Variants in ATP6V0E1 observed in about 807,000 individuals in gnomAD.
ATP6V0E1 encodes V-type proton ATPase subunit e 1.
In ATP6V0E1, 4 loss-of-function variants were observed where a neutral mutation model predicts 11.6. The ratio of observed to expected loss-of-function variants is 0.35; its 90% CI spans 0.17 to 0.79. The LOEUF is 0.79. Among genes scored for constraint, ATP6V0E1 ranks in the 30% least tolerant of loss-of-function variants. The probability of loss-of-function intolerance (pLI) is 0.54; values close to 1 mark genes in which losing one functional copy is unlikely to be tolerated. For missense variants in ATP6V0E1, 105 were observed against 100.0 expected, an observed-to-expected ratio of 1.05 and a Z score of -0.21; for synonymous variants, 36 against 34.8, an observed-to-expected ratio of 1.04 and a Z score of -0.13.
chr5:173,020,809 C>A, intron 3 of ATP6V0E1: 1 of 519,664 alleles, frequency 1.9e-6, no homozygotes, highest in South Asian at 1.4e-5. Context: ...TGTCTTCATC[C>A]GGTTGCCTGC....
At chr5:173,031,419 CTTTTTT>C (rs564495625) in intron 3 of ATP6V0E1, among the ~76,000 whole-genome samples, 2 of 129,086 alleles carry the variant, frequency 1.5e-5, no homozygotes, top group East Asian at 2.2e-4. Context: ...CCTTATGACT[CTTTTTT>C]TTTTTTTTTT....
At chr5:173,011,482 C>T (rs1444292215) in intron 2 of ATP6V0E1, among the ~76,000 whole-genome samples, 2 of 152,168 alleles carry the variant, frequency 1.3e-5, no homozygotes, top group Admixed American at 6.5e-5. Flanking sequence ...CTGCACCTGG[C>T]CTGTTTCATC....
In ATP6V0E1 at chr5:173,021,687, T is replaced by C. The variant is rs962412568; in HGVS notation, c.*36+1320T>C. On this transcript the variant is annotated intron_variant, in intron 3 of 3. Coordinates refer to ENST00000519374, the MANE Select transcript of ATP6V0E1 (RefSeq NM_003945.4). ...CTCCCACCAGGCCCCACCTCCATCATTGGGGATCACATTTCAACATGAGAT... is the reference window on the plus strand; with the variant it reads ...CTCCCACCAGGCCCCACCTCCATCACTGGGGATCACATTTCAACATGAGAT... 7.2e-5 allele frequency among the ~76,000 whole-genome samples: 11 copies of C among 152,096 alleles called. 1 individual carries two copies. Among genetic ancestry groups the C allele is most frequent in the East Asian group, 3.9e-4 (2 of 5,190 alleles).
intron 1 of ATP6V0E1, among the ~76,000 whole-genome samples, chr5:172,984,523 TA>T (rs1755851925): frequency 1.3e-5 from 2 of 151,990 alleles, no homozygotes; most frequent in Non-Finnish European, 2.9e-5. Context: ...GAGCAGGAGG[TA>T]TTGTTGAGAA....
At chr5:173,023,561 C>A (rs897793262) in intron 3 of ATP6V0E1, among the ~76,000 whole-genome samples, 4 of 152,214 alleles carry the variant, frequency 2.6e-5, no homozygotes, top group African/African-American at 7.2e-5. Flanking sequence ...AGATAACTTT[C>A]CTGCCAGGCA....
At chr5:173,033,753 A>C (rs1023672117) in intron 3 of ATP6V0E1, among the ~76,000 whole-genome samples, 1 of 152,092 alleles carries the variant, frequency 6.6e-6, no homozygotes, top group African/African-American at 2.4e-5. Context: ...CTGAGATGGG[A>C]GGATCATTTG....
At chr5:173,021,439 C>T (rs567109728) in intron 3 of ATP6V0E1, among the ~76,000 whole-genome samples, 31 of 152,086 alleles carry the variant, frequency 2.0e-4, no homozygotes, top group Non-Finnish European at 4.3e-4. Flanking sequence ...AAAGGGGTCT[C>T]CCCTTATAAA....
Position 173,034,451 on chromosome 5 carries a change from C to T in ATP6V0E1, c.*89C>T. On this transcript the variant is annotated 3_prime_UTR_variant, in exon 4 of 4. Coordinates refer to ENST00000519374, the MANE Select transcript of ATP6V0E1 (RefSeq NM_003945.4). ...GCAAAATCACCTCCAAACCAGACCA[C>T]TTTTCTTGACTTGCCTGTTTTGGCC... 4.3e-6 allele frequency: 3 copies of T among 702,912 alleles called. No individual in the cohort carries two copies. The highest frequency in any genetic ancestry group is 3.0e-5 in the South Asian group (2 of 67,600). 43.5% of individuals were successfully genotyped at this position (702,912 alleles called of 1,614,324 possible). A position where few individuals can be genotyped will look rare whatever the true frequency, so the allele number is the denominator to read the frequency against.
chr5:173,025,434 C>T (rs1177642967), intron 3 of ATP6V0E1, among the ~76,000 whole-genome samples: 2 of 150,672 alleles, frequency 1.3e-5, no homozygotes, highest in Non-Finnish European at 2.9e-5. Flanking sequence ...TATGAGCCAC[C>T]ATGCCTGGCC....
chr5:173,012,345 C>CGTGTGTGTGTACATGCATATGT (rs1756338640), intron 2 of ATP6V0E1, among the ~76,000 whole-genome samples: 1 of 149,862 alleles, frequency 6.7e-6, no homozygotes, highest in Non-Finnish European at 1.5e-5. Context: ...GAGATGTGTG[C>CGTGTGTGTGTACATGCATATGT]GTGTGTGTGT....
intron 2 of ATP6V0E1, among the ~76,000 whole-genome samples, chr5:173,010,297 T>G (rs944817418): frequency 6.6e-6 from 1 of 152,230 alleles, no homozygotes; most frequent in Non-Finnish European, 1.5e-5. Context: ...TTGTATTTCA[T>G]TCTGTGGCTT....
intron 1 of ATP6V0E1, among the ~76,000 whole-genome samples, chr5:172,990,595 G>A (rs1380752484): frequency 2.0e-5 from 3 of 152,236 alleles, no homozygotes; most frequent in Admixed American, 2.0e-4. Context: ...TTGGAAGGCT[G>A]AGGTGGGTGG....
intron 2 of ATP6V0E1, among the ~76,000 whole-genome samples, chr5:173,012,711 G>A (rs1380791924): frequency 2.0e-5 from 3 of 150,998 alleles, no homozygotes; most frequent in Admixed American, 6.6e-5. Flanking sequence ...CTGAGATCGC[G>A]TGCCATTCCA....
At chr5:173,007,953 A>T (rs879937004) in intron 2 of ATP6V0E1, among the ~76,000 whole-genome samples, 12 of 152,200 alleles carry the variant, frequency 7.9e-5, no homozygotes, top group Admixed American at 6.5e-4. Flanking sequence ...TTTGCTTAAC[A>T]TGTGGAGAGG....
intron 3 of ATP6V0E1, chr5:173,020,860 G>C: frequency 1.9e-6 from 1 of 520,054 alleles, no homozygotes; most frequent in South Asian, 1.4e-5. Flanking sequence ...GCAAGACAGA[G>C]CTGTGCTTCC....
At chr5:172,994,398 G>A (rs773016987) in intron 1 of ATP6V0E1, among the ~76,000 whole-genome samples, 7 of 152,190 alleles carry the variant, frequency 4.6e-5, no homozygotes, top group Non-Finnish European at 8.8e-5. Context: ...AGAGCTCATC[G>A]CTGGAGAGTC....
At chr5:173,016,593 A>AT (rs766479366) in intron 2 of ATP6V0E1, among the ~76,000 whole-genome samples, 8 of 152,202 alleles carry the variant, frequency 5.3e-5, no homozygotes, top group South Asian at 2.1e-4. Context: ...ATTCTAATGG[A>AT]TTTTTTTAGT....
In ATP6V0E1 at chr5:173,020,279, G is replaced by A; in HGVS notation, c.194G>A (p.Gly65Glu). 1.2e-5 allele frequency: 20 copies of A among 1,613,864 alleles called. No homozygotes were observed. Among genetic ancestry groups the A allele is most frequent in the Non-Finnish European group, 1.7e-5 (20 of 1,179,890 alleles). ...CTGGCCCAACTCAACCCTCTCTTTG[G>A]ACCGCAATTGAAAAATGAAACCATC... ...AILAQLNPLF[G>E]PQLKNETIWY... Residue 65 changes from glycine (G) to glutamate (E), a missense_variant, in exon 3 of 4, where the codon GGA (glycine) becomes GAA (glutamate). By Grantham distance (98) the Gly-to-Glu change is moderately conservative. Coordinates refer to ENST00000519374, the MANE Select transcript of ATP6V0E1 (RefSeq NM_003945.4).
Position 172,992,141 on chromosome 5 carries a change from C to T in ATP6V0E1, c.105-2634C>T, listed in dbSNP as rs1421758216. Among the ~76,000 whole-genome samples the T allele has an allele frequency of 2.6e-5, 4 of 152,198 alleles. No individual in the cohort carries two copies. In the East Asian group the frequency reaches 5.8e-4, roughly 22 times the overall value. Reference sequence around the variant, plus strand: ...TCTCGGCTCACTGCAAGCTCCGCCTCCCGGGTTCACGCCATTCTCCTGCCT... The same window carrying T: ...TCTCGGCTCACTGCAAGCTCCGCCTTCCGGGTTCACGCCATTCTCCTGCCT... On this transcript the variant is annotated intron_variant, in intron 1 of 3. Transcript: ENST00000519374.
Sources: allele counts gnomAD v4.1 joint callset (sites outside exome capture counted in the v4.1 genomes callset), GRCh38; gene constraint gnomAD v4.1.1; transcripts MANE v1.5; gene names NCBI Gene and HGNC (gene_info 2026-07-23, HGNC 2026-07-21).